DISC1: variants seen among roughly 807,000 people sequenced by gnomAD.
DISC1 encodes disrupted in schizophrenia 1 protein.
DISC1 carries 57 observed loss-of-function variants against 84.5 expected under a neutral mutation model. The ratio of observed to expected loss-of-function variants is 0.67; its 90% CI spans 0.55 to 0.84. The LOEUF is 0.84. Ranked by LOEUF, DISC1 falls within the 40% of genes least tolerant of loss-of-function variation. The pLI is 0.00. For synonymous variants in DISC1, 411 were observed against 415.2 expected, an observed-to-expected ratio of 0.99 and a Z score of 0.12; for missense variants, 1,000 against 1,057.8, an observed-to-expected ratio of 0.95 and a Z score of 0.76.
chr1:231,750,357 C>A (rs1424503284), intron 4 of DISC1: 6 of 1,212,606 alleles, frequency 4.9e-6, no homozygotes, highest in Admixed American at 8.2e-5. Flanking sequence ...GGGAAACTAC[C>A]CTTCTAAGAA....
intron 3 of DISC1, chr1:231,723,357 T>C (rs1264820027): frequency 4.1e-6 from 4 of 985,732 alleles, no homozygotes; most frequent in Non-Finnish European, 4.8e-6. Context: ...CAGGAAGACC[T>C]GTAAACTCAG....
intron 1 of DISC1, among the ~76,000 whole-genome samples, chr1:231,666,474 A>G (rs2062031828): frequency 6.6e-6 from 1 of 152,204 alleles, no homozygotes; most frequent in Non-Finnish European, 1.5e-5. Context: ...CGCATAAATA[A>G]AATATGACAA....
chr1:232,009,138 G>T lies in DISC1; in HGVS notation c.2307+89G>T. Reference sequence around the variant, plus strand: ...CTCCAAATGGGAACAATAAATATTGGGAAGGCTTCCCATTGAGCATATAAA... The same window carrying T: ...CTCCAAATGGGAACAATAAATATTGTGAAGGCTTCCCATTGAGCATATAAA... On this transcript the variant is annotated intron_variant, in intron 11 of 12. Coordinates refer to ENST00000439617, the MANE Select transcript of DISC1 (RefSeq NM_018662.3). The surrounding 1 kb of genome is among the most constrained non-coding windows in gnomAD (Gnocchi z 4.6). The T allele has an allele frequency of 6.3e-7, 1 of 1,583,258 alleles. No individual in the cohort carries two copies.
chr1:231,934,962 G>A lies in DISC1; in HGVS notation c.1982-23866G>A, dbSNP rs528412996. ...CCTCCTGCTCTTGTTTGAACACGCT[G>A]CAGGGATTAACTTGTGGTTGGGACT... On this transcript the variant is annotated intron_variant, in intron 9 of 12. Transcript: ENST00000439617. 1.2e-3 allele frequency among the ~76,000 whole-genome samples: 187 copies of A among 152,322 alleles called. 1 individual carries two copies. Among genetic ancestry groups the A allele is most frequent in the African/African-American group, 4.4e-3 (184 of 41,564 alleles).
intron 4 of DISC1, among the ~76,000 whole-genome samples, chr1:231,762,876 A>G (rs2793088): frequency 0.81 from 122,158 of 151,582 alleles, 49,709 homozygotes; most frequent in Middle Eastern, 0.91. Context: ...CCATAGGGAA[A>G]ACATTTTTGT....
intron 9 of DISC1, among the ~76,000 whole-genome samples, chr1:231,891,115 G>C (rs1023322839): frequency 6.6e-6 from 1 of 152,140 alleles, no homozygotes; most frequent in African/African-American, 2.4e-5. Flanking sequence ...TACAACAGGA[G>C]TGTCCAATCT....
At chr1:231,733,414 GTGGTGGTGGTTGTAGGAATGGTGGTGA>G (rs1440256584) in intron 3 of DISC1, among the ~76,000 whole-genome samples, 2 of 149,896 alleles carry the variant, frequency 1.3e-5, no homozygotes, top group Non-Finnish European at 3.0e-5. Flanking sequence ...GACTGTAGAA[GTGGTGGTGGTTGTAGGAATGGTGGTGA>G]TGGTGGTGAT....
intron 3 of DISC1, among the ~76,000 whole-genome samples, chr1:231,712,023 G>A (rs950253983): frequency 6.6e-6 from 1 of 152,196 alleles, no homozygotes; most frequent in African/African-American, 2.4e-5. Flanking sequence ...ATCAGATCAT[G>A]TCTGAGAGAC....
chr1:231,704,881 T>G (rs751905645), intron 3 of DISC1, among the ~76,000 whole-genome samples: 19 of 151,318 alleles, frequency 1.3e-4, no homozygotes, highest in Non-Finnish European at 2.6e-4. Flanking sequence ...TGAGCCACAC[T>G]TAGAGTAATA....
intron 10 of DISC1, among the ~76,000 whole-genome samples, chr1:231,965,644 A>G (rs1488521411): frequency 6.6e-6 from 1 of 152,184 alleles, no homozygotes; most frequent in African/African-American, 2.4e-5. Flanking sequence ...TGGGCTCTTC[A>G]TGAGGTGGTT....
chr1:231,825,179 C>T lies in DISC1; in HGVS notation c.1981+6662C>T, dbSNP rs554493908. 3.3e-5 allele frequency among the ~76,000 whole-genome samples: 5 copies of T among 152,216 alleles called. 1 individual carries two copies. The highest frequency in any genetic ancestry group is 1.2e-4 in the African/African-American group (5 of 41,534). On this transcript the variant is annotated intron_variant, in intron 9 of 12. Coordinates refer to ENST00000439617, the MANE Select transcript of DISC1 (RefSeq NM_018662.3). ...TCCCTACTATTGTTACATCTTTTTT[C>T]ACTTGTCTCTCTACTTGTTTCTATA...
chr1:231,951,566 C>T (rs1002694024), intron 9 of DISC1, among the ~76,000 whole-genome samples: 1 of 152,194 alleles, frequency 6.6e-6, no homozygotes, highest in Admixed American at 6.5e-5. Flanking sequence ...TTTAAACCCC[C>T]TCAAGCTGGG....
intron 1 of DISC1, among the ~76,000 whole-genome samples, chr1:231,628,050 A>G (rs1213704575): frequency 6.6e-6 from 1 of 152,194 alleles, no homozygotes; most frequent in Non-Finnish European, 1.5e-5. Flanking sequence ...TGCACTCTCA[A>G]AAAACCTTAG....
At chr1:231,943,023 G>A (rs925726796) in intron 9 of DISC1, among the ~76,000 whole-genome samples, 2 of 152,222 alleles carry the variant, frequency 1.3e-5, no homozygotes, top group Non-Finnish European at 2.9e-5. Context: ...AATTAACTGT[G>A]GATATCGGTA....
intron 4 of DISC1, among the ~76,000 whole-genome samples, chr1:231,766,810 C>T (rs2076209116): frequency 6.6e-6 from 1 of 152,096 alleles, no homozygotes; most frequent in Non-Finnish European, 1.5e-5. Flanking sequence ...TATTTTCATA[C>T]TAAGTCCTTA....
chr1:232,011,051 C>T (rs1023867658), intron 11 of DISC1, among the ~76,000 whole-genome samples: 4 of 152,110 alleles, frequency 2.6e-5, no homozygotes, highest in Non-Finnish European at 5.9e-5. Flanking sequence ...TGAACCCCAT[C>T]ACTCTCTCCC....
At chr1:231,816,127 A>G (rs1051154216) in intron 8 of DISC1, among the ~76,000 whole-genome samples, 1 of 152,182 alleles carries the variant, frequency 6.6e-6, no homozygotes, top group Non-Finnish European at 1.5e-5. Context: ...TTTTTAGTTG[A>G]GTTAATTTGA....
chr1:231,655,941 G>C (rs1296003101), intron 1 of DISC1, among the ~76,000 whole-genome samples: 3 of 152,058 alleles, frequency 2.0e-5, no homozygotes, highest in African/African-American at 7.2e-5. Flanking sequence ...ACTTTTTAAA[G>C]GGATTTTTTC....
At chr1:231,666,309 G>GAAAAA (rs751745733) in intron 1 of DISC1, among the ~76,000 whole-genome samples, 1 of 87,250 alleles carries the variant, frequency 1.1e-5, no homozygotes, top group Non-Finnish European at 2.4e-5. Context: ...TTTGTCTCAG[G>GAAAAA]AAAAAAAAAA....
Sources: gnomAD v4.1 joint callset for allele counts (sites outside exome capture counted in the v4.1 genomes callset) on GRCh38, gnomAD v4.1.1 for gene constraint, Gnocchi (gnomAD v3.1) non-coding constraint, MANE v1.5 for transcripts, NCBI Gene and HGNC (gene_info 2026-07-23, HGNC 2026-07-21) for gene names.